Variants in RELCH observed in about 807,000 individuals in gnomAD.
RELCH encodes the protein RAB11 binding and LisH domain, coiled-coil and HEAT repeat containing.
In RELCH, 41 loss-of-function variants were observed where a neutral mutation model predicts 150.3. That is an observed-to-expected ratio of 0.27 (90% CI 0.21 to 0.35). The LOEUF (loss-of-function observed/expected upper bound fraction) is 0.35, where lower values mean the gene tolerates loss of function less well. Ranked by LOEUF, RELCH falls within the 10% of genes least tolerant of loss-of-function variation. RELCH has a pLI of 1.00. For synonymous variants in RELCH, 478 were observed against 531.8 expected (o/e 0.90, Z 1.39); for missense variants, 1,092 against 1,467.8 (o/e 0.74, Z 4.18).
At chr18:62,204,227 T>C (rs1245062201) in intron 1 of RELCH, among the ~76,000 whole-genome samples, 17 of 152,202 alleles carry the variant, frequency 1.1e-4, no homozygotes. Flanking sequence ...TAATCATTTA[T>C]AGTGTAATAA....
At chr18:62,201,223 T>A (rs2039422736) in intron 1 of RELCH, among the ~76,000 whole-genome samples, 1 of 152,132 alleles carries the variant, frequency 6.6e-6, no homozygotes, top group Non-Finnish European at 1.5e-5. Flanking sequence ...TCCGCCTGCC[T>A]CGGCCTCCCA....
intron 1 of RELCH, among the ~76,000 whole-genome samples, chr18:62,189,277 T>TA (rs199704509): frequency 1.3e-5 from 2 of 149,144 alleles, no homozygotes; most frequent in African/African-American, 4.9e-5. Context: ...TTTTTGTTGT[T>TA]TTTTTTTTTT....
At chr18:62,256,565 C>T (rs2043001826) in intron 13 of RELCH, among the ~76,000 whole-genome samples, 1 of 152,000 alleles carries the variant, frequency 6.6e-6, no homozygotes, top group Non-Finnish European at 1.5e-5. Context: ...GAATACTAAG[C>T]AGTATTAATA....
chr18:62,242,924 GA>G (rs561683523), intron 10 of RELCH, among the ~76,000 whole-genome samples: 1 of 152,018 alleles, frequency 6.6e-6, no homozygotes, highest in African/African-American at 2.4e-5. Context: ...GAAGAAATGG[GA>G]AAAATAGTAT....
chr18:62,260,345 C>T (rs1410363248), intron 15 of RELCH, among the ~76,000 whole-genome samples: 1 of 150,448 alleles, frequency 6.6e-6, no homozygotes, highest in Non-Finnish European at 1.5e-5. Flanking sequence ...TATCATGTCA[C>T]CCCAGTTGAA....
At chr18:62,289,463 A>G (rs2980982) in intron 26 of RELCH, among the ~76,000 whole-genome samples, 43,481 of 152,088 alleles carry the variant, frequency 0.29, 7,355 homozygotes, top group East Asian at 0.59. Flanking sequence ...GTTTAAGGAA[A>G]GTTTGAAGGA....
chr18:62,189,251 C>CTT (rs201494206), intron 1 of RELCH, among the ~76,000 whole-genome samples: 1 of 99,502 alleles, frequency 1.0e-5, no homozygotes, highest in Admixed American at 9.8e-5. Context: ...GGTGGTGGGT[C>CTT]TTTTTTTGTT....
Position 62,242,748 on chromosome 18 carries a change from A to G in RELCH, c.1621-2016A>G, listed in dbSNP as rs182866286. On this transcript the variant is annotated intron_variant, in intron 10 of 28. Transcript: ENST00000644646. Reference sequence around the variant, plus strand: ...ATGATAAAAAAGCAAAAGAAAGTAAAATATAAGGCGTAAAGGATAAAGAGC... The same window carrying G: ...ATGATAAAAAAGCAAAAGAAAGTAAGATATAAGGCGTAAAGGATAAAGAGC... Among the ~76,000 whole-genome samples, 235 of 152,250 alleles carry G rather than the reference A, an allele frequency of 1.5e-3. 1 individual carries two copies. Among genetic ancestry groups the G allele is most frequent in the African/African-American group, 5.3e-3 (219 of 41,552 alleles).
chr18:62,264,056 A>G lies in RELCH; in HGVS notation c.2418A>G (p.Gln806=). The change falls in exon 17 of 29, where the codon CAA becomes CAG. Residue 806 remains glutamine (Q), a synonymous_variant. Coordinates refer to ENST00000644646, the MANE Select transcript of RELCH (RefSeq NM_001346231.2). ...DVSTIIGSRE[Q]LAVLLQLYDY... is the part of the protein sequence containing the mutation. ...CCACTATTATCGGAAGTCGTGAGCA[A>G]TTGGCAGTGCTGCTGCAACTTTATG... The G allele has an allele frequency of 1.9e-6, 3 of 1,608,432 alleles. No homozygotes were observed. Among genetic ancestry groups the G allele is most frequent in the Non-Finnish European group, 2.5e-6 (3 of 1,177,688 alleles).
chr18:62,193,956 G>A (rs1287328788), intron 1 of RELCH, among the ~76,000 whole-genome samples: 1 of 151,962 alleles, frequency 6.6e-6, no homozygotes, highest in Non-Finnish European at 1.5e-5. Context: ...TCTTAATGAT[G>A]TGTCTCAGAC....
intron 5 of RELCH, among the ~76,000 whole-genome samples, chr18:62,221,919 T>C (rs984127901): frequency 1.1e-4 from 16 of 151,968 alleles, no homozygotes; most frequent in African/African-American, 3.4e-4. Context: ...GAGTATATTG[T>C]AAATGAGAGT....
rs1422589761 is a variant in RELCH at position 62,309,453 on chromosome 18, T to A, written c.*3919T>A. 6.6e-6 allele frequency: 1 copy of A among 152,188 alleles called. No homozygotes were observed. The highest frequency in any genetic ancestry group is 1.5e-5 in the Non-Finnish European group (1 of 68,030). The allele number at this position is 152,188 out of a possible 1,614,324, so 9.4% of individuals were successfully genotyped here. On this transcript the variant is annotated 3_prime_UTR_variant, in exon 29 of 29. Coordinates refer to ENST00000644646, the MANE Select transcript of RELCH (RefSeq NM_001346231.2). ...CTCTTCAGAACCAAGTACAGGAAAC[T>A]GTTTTGATTGTCTTTTTTGTGGTTT...
intron 21 of RELCH, 81 bp from the exon 22 acceptor site, chr18:62,275,293 T>A (rs1289467514): frequency 3.1e-6 from 2 of 639,886 alleles, no homozygotes; most frequent in Non-Finnish European, 5.3e-6. Context: ...TTAATATTCC[T>A]TATAAATATC....
rs752715105 is a variant in RELCH, at chr18:62,202,937, GA to G, written c.527-8215del. Among the ~76,000 whole-genome samples the G allele has an allele frequency of 1.1e-3, 161 of 152,278 alleles. 3 individuals carry two copies. The highest frequency in any genetic ancestry group is 0.01 in the Admixed American group (156 of 15,294). On this transcript the variant is annotated intron_variant, in intron 1 of 28. Transcript: ENST00000644646. The stretch of plus-strand genomic sequence containing the variant: ...TATTGGTTGATAAAAGTTCACCATT[GA>G]GTGTACATGTTTTCCTATGCAGGTT...
At position 62,226,746 on chromosome 18, in the gene RELCH, A is replaced by T. The variant is rs553963089; in HGVS notation, c.859-543A>T. 2.3e-3 allele frequency among the ~76,000 whole-genome samples: 346 copies of T among 152,274 alleles called. 2 individuals carry two copies. Among genetic ancestry groups the T allele is most frequent in the African/African-American group, 7.9e-3 (329 of 41,582 alleles). On this transcript the variant is annotated intron_variant, in intron 5 of 28. Coordinates refer to ENST00000644646, the MANE Select transcript of RELCH (RefSeq NM_001346231.2). ...GTGTAACATTTTGATACCTAAGACA[A>T]TTAAACCTATTGATCTAGAAGGTCA... is the stretch of plus-strand genomic sequence containing the variant.
intron 10 of RELCH, among the ~76,000 whole-genome samples, chr18:62,237,484 AATG>A (rs1479049743): frequency 2.0e-5 from 3 of 151,822 alleles, no homozygotes; most frequent in African/African-American, 2.4e-5. Context: ...GATTTAAACA[AATG>A]ATACTGTATT....
chr18:62,260,247 CAAAAG>C (rs1172661372), intron 15 of RELCH, among the ~76,000 whole-genome samples: 2 of 140,358 alleles, frequency 1.4e-5, no homozygotes, highest in African/African-American at 5.3e-5. Flanking sequence ...AAACACTTCT[CAAAAG>C]AAGACATATG....
intron 25 of RELCH, chr18:62,284,315 A>G (rs184693101): frequency 6.6e-6 from 1 of 152,340 alleles, no homozygotes; most frequent in East Asian, 1.9e-4. Flanking sequence ...TTCTTCTCAT[A>G]ATGGCCCCCA....
At chr18:62,202,699 T>C (rs1400234535) in intron 1 of RELCH, among the ~76,000 whole-genome samples, 2 of 152,182 alleles carry the variant, frequency 1.3e-5, no homozygotes, top group Non-Finnish European at 2.9e-5. Context: ...AATGGTGTTA[T>C]TGAAGAATAA....
Sources: gnomAD v4.1 joint callset for allele counts (sites outside exome capture counted in the v4.1 genomes callset) on GRCh38, gnomAD v4.1.1 for gene constraint, MANE v1.5 for transcripts, NCBI Gene and HGNC (gene_info 2026-07-23, HGNC 2026-07-21) for gene names.